The following MEGF11 variants were observed in gnomAD, a reference collection of about 807,000 sequenced individuals.
The protein encoded by MEGF11 is multiple epidermal growth factor-like domains protein 11.
MEGF11 carries 126 observed loss-of-function variants against 146.6 expected under a neutral mutation model. That is an observed-to-expected ratio of 0.86 (90% CI 0.74 to 1.00). The LOEUF (loss-of-function observed/expected upper bound fraction) is 1.00, where lower values mean the gene tolerates loss of function less well. MEGF11 is among the 50% of genes least tolerant of loss of function. The pLI is 0.00. For synonymous variants in MEGF11, 532 were observed against 583.4 expected, an observed-to-expected ratio of 0.91 and a Z score of 1.27; for missense variants, 1,509 against 1,521.2, an observed-to-expected ratio of 0.99 and a Z score of 0.13.
intron 5 of MEGF11, among the ~76,000 whole-genome samples, chr15:66,061,641 C>CTCT (rs1555466280): frequency 7.0e-6 from 1 of 143,306 alleles, no homozygotes; most frequent in African/African-American, 2.6e-5. Context: ...TTTTTTGAGC[C>CTCT]TTTTTTTTTT....
intron 1 of MEGF11, among the ~76,000 whole-genome samples, chr15:66,140,891 C>T (rs1241104429): frequency 1.3e-5 from 2 of 152,112 alleles, no homozygotes; most frequent in African/African-American, 4.8e-5. Flanking sequence ...GACTTGCGAG[C>T]CCTTACTAAG....
At chr15:66,109,940 C>T (rs1361961278) in intron 4 of MEGF11, among the ~76,000 whole-genome samples, 1 of 152,200 alleles carries the variant, frequency 6.6e-6, no homozygotes, top group Admixed American at 6.5e-5. Flanking sequence ...GATCCCTCTG[C>T]CTCAGGAACT....
chr15:66,031,584 A>T (rs2083522020), intron 5 of MEGF11, among the ~76,000 whole-genome samples: 1 of 152,208 alleles, frequency 6.6e-6, no homozygotes, highest in Non-Finnish European at 1.5e-5. Flanking sequence ...AGGGGTGAAG[A>T]CATCCATAAG....
intron 23 of MEGF11, among the ~76,000 whole-genome samples, chr15:65,908,059 G>A (rs1287434924): frequency 6.6e-6 from 1 of 152,194 alleles, no homozygotes; most frequent in East Asian, 1.9e-4. Context: ...GGGAGAGATT[G>A]TAGTTGGTGG....
intron 5 of MEGF11, among the ~76,000 whole-genome samples, chr15:66,030,391 ACT>A: frequency 6.6e-6 from 1 of 151,784 alleles, no homozygotes; most frequent in South Asian, 2.1e-4. Context: ...CCATTACCTC[ACT>A]CACACACACA....
chr15:66,103,134 G>T (rs2086896745), intron 4 of MEGF11, among the ~76,000 whole-genome samples: 1 of 152,238 alleles, frequency 6.6e-6, no homozygotes. Flanking sequence ...CAGATGGCTG[G>T]ATAGGGGATG....
At chr15:66,122,366 A>T (rs1490715204) in intron 3 of MEGF11, among the ~76,000 whole-genome samples, 2 of 152,236 alleles carry the variant, frequency 1.3e-5, no homozygotes, top group East Asian at 3.8e-4. Flanking sequence ...TAAAGCAGCA[A>T]GCATAGCTCT....
At chr15:66,042,114 T>C (rs1199390658) in intron 5 of MEGF11, among the ~76,000 whole-genome samples, 9 of 150,702 alleles carry the variant, frequency 6.0e-5, no homozygotes, top group Non-Finnish European at 1.2e-4. Flanking sequence ...TCCCTTTTTT[T>C]TTTTTTTTTT....
chr15:66,224,059 C>G (rs937037930), intron 1 of MEGF11, among the ~76,000 whole-genome samples: 3 of 152,156 alleles, frequency 2.0e-5, no homozygotes, highest in Non-Finnish European at 2.9e-5. Flanking sequence ...AACAACAGGA[C>G]ACTTTGCTAC....
intron 5 of MEGF11, among the ~76,000 whole-genome samples, chr15:66,061,138 C>T (rs1224893638): frequency 1.3e-5 from 2 of 152,220 alleles, no homozygotes; most frequent in East Asian, 1.9e-4. Context: ...CTCACTGAAA[C>T]GTGGTGACTG....
At chr15:65,898,652 T>C (rs1401216608) in intron 25 of MEGF11, 76 bp downstream of exon 25, 1 of 1,587,470 alleles carries the variant, frequency 6.3e-7, no homozygotes, top group Non-Finnish European at 8.6e-7. Context: ...GTGGGGTGAG[T>C]GGAGAGGGCT....
intron 1 of MEGF11, among the ~76,000 whole-genome samples, chr15:66,135,585 T>C (rs2088853707): frequency 1.3e-5 from 2 of 152,160 alleles, no homozygotes; most frequent in South Asian, 4.1e-4. Context: ...GCCAGTGTGA[T>C]GGGAAATCAG....
rs2080451214 is a variant in MEGF11, at chr15:65,952,702, C to T, written c.1287+4845G>A. Among the ~76,000 whole-genome samples, 4 of 152,338 alleles carry T rather than the reference C, an allele frequency of 2.6e-5. No individual in the cohort carries two copies. The South Asian group carries it at 6.2e-4, about 24-fold the overall frequency. On this transcript the variant is annotated intron_variant, in intron 10 of 25. Transcript: ENST00000395614. ...CTCCCACTGGAATGACTAGCTCCCA[C>T]ACCACTGTTTCCGATGGGCAGGGAA...
intron 4 of MEGF11, among the ~76,000 whole-genome samples, chr15:66,106,271 A>G (rs766029796): frequency 6.6e-6 from 1 of 152,200 alleles, no homozygotes; most frequent in Non-Finnish European, 1.5e-5. Context: ...GCAGTTATGC[A>G]CTTGGTACAT....
At chr15:65,912,282 G>A (rs937040971) in intron 20 of MEGF11, 82 bp from the exon 21 acceptor site, 33 of 837,592 alleles carry the variant, frequency 3.9e-5, no homozygotes, top group East Asian at 1.7e-4. Flanking sequence ...CTTGCGCTGG[G>A]AGCCTTGAGA....
chr15:66,220,955 A>G (rs186312549), intron 1 of MEGF11, among the ~76,000 whole-genome samples: 8 of 152,292 alleles, frequency 5.3e-5, no homozygotes, highest in Non-Finnish European at 7.4e-5. Flanking sequence ...AGTGCATGTA[A>G]AAACTGGGGA....
In MEGF11 at chr15:65,982,163, C is replaced by CAAAA; in HGVS notation, c.641+78_641+79insTTTT. 7.1e-7 allele frequency: 1 copy of CAAAA among 1,399,566 alleles called. No homozygotes were observed. The highest frequency in any genetic ancestry group is 9.5e-7 in the Non-Finnish European group (1 of 1,054,548). The allele number at this position is 1,399,566 out of a possible 1,614,324, so 86.7% of individuals were successfully genotyped here. On this transcript the variant is annotated intron_variant, in intron 6 of 25. Transcript: ENST00000395614. This position sits in a 1 kb window ranked among gnomAD's most constrained non-coding sequence, Gnocchi z 5.6. ...GGCCCCGCCCCAGCCCCTCCACCTCCTCTACCCTCCCCACCCAGGCACCCT... is the reference window on the plus strand; with the variant it reads ...GGCCCCGCCCCAGCCCCTCCACCTCCAAAATCTACCCTCCCCACCCAGGCACCCT...
At chr15:66,059,817 C>T (rs1263648806) in intron 5 of MEGF11, among the ~76,000 whole-genome samples, 1 of 152,178 alleles carries the variant, frequency 6.6e-6, no homozygotes, top group Non-Finnish European at 1.5e-5. Flanking sequence ...GGCTCCCAGG[C>T]AGGGAGCTAA....
chr15:66,047,070 G>A (rs915621644), intron 5 of MEGF11, among the ~76,000 whole-genome samples: 3 of 152,222 alleles, frequency 2.0e-5, no homozygotes, highest in African/African-American at 4.8e-5. Context: ...AAGCTGGGTC[G>A]AAAGGGAGCC....
Sources: allele counts gnomAD v4.1 joint callset (sites outside exome capture counted in the v4.1 genomes callset), GRCh38; gene constraint gnomAD v4.1.1; non-coding constraint Gnocchi (gnomAD v3.1); transcripts MANE v1.5; gene names NCBI Gene and HGNC (gene_info 2026-07-23, HGNC 2026-07-21).